ASAP1: variants seen among roughly 807,000 people sequenced by gnomAD.
The protein encoded by ASAP1 is arf-GAP with SH3 domain, ANK repeat and PH domain-containing protein 1.
Under a neutral mutation model 145.2 loss-of-function variants are expected in ASAP1, and 43 were observed. The ratio of observed to expected loss-of-function variants is 0.30; its 90% confidence interval spans 0.23 to 0.38. The LOEUF (loss-of-function observed/expected upper bound fraction) is 0.38. ASAP1 is among the 10% of genes least tolerant of loss of function. The pLI is 1.00. For missense variants in ASAP1, 1,018 were observed against 1,355.3 expected (o/e 0.75, Z 3.91); for synonymous variants, 546 against 515.5 (o/e 1.06, Z -0.80).
At chr8:130,289,569 T>G (rs1821828686) in intron 3 of ASAP1, among the ~76,000 whole-genome samples, 1 of 152,230 alleles carries the variant, frequency 6.6e-6, no homozygotes, top group Admixed American at 6.5e-5. Flanking sequence ...AGGCGAAGAC[T>G]GGAAGGCTTC....
At chr8:130,239,829 G>A (rs1320938001) in intron 3 of ASAP1, among the ~76,000 whole-genome samples, 2 of 152,068 alleles carry the variant, frequency 1.3e-5, no homozygotes, top group African/African-American at 2.4e-5. Flanking sequence ...AGAGAAATTA[G>A]TTAGCTTGCC....
At chr8:130,273,276 C>A (rs1301296239) in intron 3 of ASAP1, among the ~76,000 whole-genome samples, 1 of 152,008 alleles carries the variant, frequency 6.6e-6, no homozygotes, top group Non-Finnish European at 1.5e-5. Flanking sequence ...ATGAAGAAAG[C>A]CCATATGCTA....
intron 2 of ASAP1, among the ~76,000 whole-genome samples, chr8:130,362,228 C>T (rs1826750784): frequency 1.3e-5 from 2 of 152,078 alleles, no homozygotes; most frequent in South Asian, 4.1e-4. Flanking sequence ...TGACCAGAAA[C>T]CAGAGGTGGG....
intron 3 of ASAP1, among the ~76,000 whole-genome samples, chr8:130,341,630 TA>T (rs1213658533): frequency 6.6e-6 from 1 of 152,102 alleles, no homozygotes; most frequent in African/African-American, 2.4e-5. Context: ...CCACAATCTA[TA>T]AAATGGGAAC....
intron 2 of ASAP1, among the ~76,000 whole-genome samples, chr8:130,394,807 T>C (rs986984087): frequency 6.6e-6 from 1 of 152,114 alleles, no homozygotes; most frequent in Non-Finnish European, 1.5e-5. Context: ...CAGGGGCAGG[T>C]TCCCTGATAA....
At chr8:130,095,777 C>A (rs1250914934) in intron 24 of ASAP1, among the ~76,000 whole-genome samples, 2 of 149,850 alleles carry the variant, frequency 1.3e-5, no homozygotes, top group African/African-American at 4.9e-5. Flanking sequence ...CGCCGCCACA[C>A]CCGGCTAAGT....
intron 2 of ASAP1, among the ~76,000 whole-genome samples, chr8:130,370,198 A>G (rs1827148383): frequency 6.6e-6 from 1 of 152,224 alleles, no homozygotes; most frequent in Non-Finnish European, 1.5e-5. Context: ...GCTACTCAGG[A>G]GGCTGAGGCA....
At chr8:130,381,693 T>C (rs1204314049) in intron 2 of ASAP1, among the ~76,000 whole-genome samples, 1 of 152,184 alleles carries the variant, frequency 6.6e-6, no homozygotes, top group East Asian at 1.9e-4. Context: ...TCTAAAGGCC[T>C]TATATGACCA....
chr8:130,333,946 G>A (rs889920350), intron 3 of ASAP1, among the ~76,000 whole-genome samples: 1 of 152,184 alleles, frequency 6.6e-6, no homozygotes, highest in African/African-American at 2.4e-5. Context: ...CAGAGCAGCT[G>A]GAGCTGCAAG....
At chr8:130,184,248 G>A (rs1814563509) in intron 7 of ASAP1, among the ~76,000 whole-genome samples, 1 of 152,182 alleles carries the variant, frequency 6.6e-6, no homozygotes. Context: ...AACCACAATG[G>A]ATGAACAAGG....
chr8:130,332,780 A>G (rs1329343957), intron 3 of ASAP1, among the ~76,000 whole-genome samples: 1 of 152,226 alleles, frequency 6.6e-6, no homozygotes, highest in Non-Finnish European at 1.5e-5. Context: ...AGAAGCCATT[A>G]ATATGTCAAT....
At chr8:130,439,918 TAGG>T (rs1170042382) in intron 1 of ASAP1, among the ~76,000 whole-genome samples, 2 of 152,266 alleles carry the variant, frequency 1.3e-5, no homozygotes, top group Non-Finnish European at 2.9e-5. Context: ...ATCTCAAATT[TAGG>T]ATGGCTGATA....
intron 15 of ASAP1, among the ~76,000 whole-genome samples, chr8:130,133,751 T>A (rs770711849): frequency 5.3e-5 from 8 of 151,926 alleles, no homozygotes; most frequent in Non-Finnish European, 1.0e-4. Context: ...CTTTCCACTA[T>A]ATCACGCTCC....
intron 24 of ASAP1, 139 bp from the exon 25 acceptor site, chr8:130,092,282 T>C (rs1050631753): frequency 8.0e-5 from 70 of 879,806 alleles, no homozygotes; most frequent in East Asian, 1.6e-4. Context: ...TATGGCTAAC[T>C]CCATCAACCT....
At chr8:130,221,931 TACTGCATGCCAAGTGCCTCGTAC>T (rs1259925290) in intron 4 of ASAP1, among the ~76,000 whole-genome samples, 1 of 152,216 alleles carries the variant, frequency 6.6e-6, no homozygotes, top group East Asian at 1.9e-4. Context: ...TTAAGCAAGA[TACTGCATGCCAAGTGCCTCGTAC>T]ACGATGAGCT....
chr8:130,236,106 G>A (rs1196242433), intron 4 of ASAP1, among the ~76,000 whole-genome samples: 7 of 152,148 alleles, frequency 4.6e-5, no homozygotes, highest in East Asian at 1.9e-4. Flanking sequence ...CCAACTTCAC[G>A]GCCTGCGCTC....
chr8:130,430,069 T>C (rs1293421921), intron 1 of ASAP1, among the ~76,000 whole-genome samples: 1 of 152,092 alleles, frequency 6.6e-6, no homozygotes, highest in African/African-American at 2.4e-5. Flanking sequence ...TTCCGTTTCC[T>C]CCTCCAAATG....
chr8:130,284,309 A>G (rs1366744674), intron 3 of ASAP1, among the ~76,000 whole-genome samples: 5 of 152,226 alleles, frequency 3.3e-5, no homozygotes, highest in Admixed American at 1.3e-4. Context: ...ACAAACAACC[A>G]TTCTAGACAG....
chr8:130,190,367 T>C (rs976993283), intron 5 of ASAP1, among the ~76,000 whole-genome samples: 2 of 152,306 alleles, frequency 1.3e-5, no homozygotes, highest in Middle Eastern at 3.4e-3. Flanking sequence ...TTCTTCTAAA[T>C]ATGGATATCC....
Sources: allele counts gnomAD v4.1 joint callset (sites outside exome capture counted in the v4.1 genomes callset), GRCh38; gene constraint gnomAD v4.1.1; transcripts MANE v1.5; gene names NCBI Gene and HGNC (gene_info 2026-07-23, HGNC 2026-07-21).